Variants in METTL16 observed in about 807,000 individuals in gnomAD.
METTL16 encodes the protein methyltransferase 16, RNA N6-adenosine.
A neutral mutation model predicts 57.9 loss-of-function variants in METTL16; 19 were observed. The observed-to-expected ratio is 0.33, with a 90% confidence interval of 0.23 to 0.48. The LOEUF (loss-of-function observed/expected upper bound fraction) is 0.48. METTL16 is among the 20% of genes least tolerant of loss of function. METTL16 has a pLI of 0.99. For missense variants in METTL16, 434 were observed against 691.5 expected, an observed-to-expected ratio of 0.63 and a Z score of 4.18; for synonymous variants, 246 against 255.6, an observed-to-expected ratio of 0.96 and a Z score of 0.36.
chr17:2,426,752 A>AG (rs2066822721), intron 8 of METTL16, among the ~76,000 whole-genome samples: 3 of 149,762 alleles, frequency 2.0e-5, no homozygotes, highest in African/African-American at 7.4e-5. Flanking sequence ...AAAAAAAAAA[A>AG]GTAAAAATAG....
At chr17:2,464,399 C>A (rs2067174988) in intron 5 of METTL16, 49 bp from the exon 6 acceptor site, 2 of 1,517,500 alleles carry the variant, frequency 1.3e-6, no homozygotes, top group African/African-American at 1.4e-5. Context: ...ACCCCAAGAA[C>A]CAAGTTTGAA....
chr17:2,502,531 G>A (rs2067496873), intron 1 of METTL16, among the ~76,000 whole-genome samples, 200 bp from the exon 2 acceptor site: 1 of 151,856 alleles, frequency 6.6e-6, no homozygotes, highest in Non-Finnish European at 1.5e-5. Context: ...AATACAAAAA[G>A]TAGCCAAGTA....
chr17:2,430,021 C>T (rs1402992360), intron 8 of METTL16, among the ~76,000 whole-genome samples: 3 of 151,486 alleles, frequency 2.0e-5, no homozygotes, highest in African/African-American at 7.3e-5. Flanking sequence ...ACCATGTTGG[C>T]CAGGCTAGTC....
At chr17:2,434,849 G>A (rs939289709) in intron 8 of METTL16, among the ~76,000 whole-genome samples, 3 of 152,164 alleles carry the variant, frequency 2.0e-5, no homozygotes, top group Admixed American at 6.5e-5. Context: ...TTCAATGCAG[G>A]GGATCCTTTT....
intron 8 of METTL16, among the ~76,000 whole-genome samples, chr17:2,437,023 A>G (rs148949018): frequency 3.4e-3 from 513 of 152,166 alleles, no homozygotes; most frequent in Non-Finnish European, 3.6e-3. Context: ...CTGGGACTAC[A>G]GGCATGCGCC....
intron 1 of METTL16, among the ~76,000 whole-genome samples, chr17:2,505,169 T>C (rs934573687): frequency 6.6e-5 from 10 of 151,890 alleles, no homozygotes; most frequent in Admixed American, 5.9e-4. Flanking sequence ...TATATATATA[T>C]ATATCTCTCT....
At chr17:2,442,234 T>C (rs1252123415) in intron 6 of METTL16, among the ~76,000 whole-genome samples, 1 of 152,168 alleles carries the variant, frequency 6.6e-6, no homozygotes, top group African/African-American at 2.4e-5. Flanking sequence ...GGACAAAACA[T>C]ATAAAATAGC....
At chr17:2,448,805 A>AAAAAAAAAAAAAAAAAAAAAATAAAAT (rs2067044723) in intron 6 of METTL16, among the ~76,000 whole-genome samples, 1 of 104,560 alleles carries the variant, frequency 9.6e-6, no homozygotes. Flanking sequence ...TAAAATTTAA[A>AAAAAAAAAAAAAAAAAAAAAATAAAAT]AAAAAAAAAA....
chr17:2,443,320 AT>A (rs1273776296), intron 6 of METTL16, among the ~76,000 whole-genome samples: 3 of 152,176 alleles, frequency 2.0e-5, no homozygotes, highest in Non-Finnish European at 2.9e-5. Flanking sequence ...AAGAAACTGA[AT>A]TTGTATTAAC....
chr17:2,424,872 C>T (rs989441556), intron 8 of METTL16, among the ~76,000 whole-genome samples: 1 of 151,868 alleles, frequency 6.6e-6, no homozygotes, highest in African/African-American at 2.4e-5. Flanking sequence ...GGCGTGAACC[C>T]GGGAGGCGGA....
At chr17:2,422,917 A>G (rs547090959) in intron 8 of METTL16, among the ~76,000 whole-genome samples, 2 of 152,248 alleles carry the variant, frequency 1.3e-5, no homozygotes, top group South Asian at 4.1e-4. Context: ...CAGGAGGTGC[A>G]GGTTGCAGTG....
intron 2 of METTL16, among the ~76,000 whole-genome samples, chr17:2,500,366 TCTCAGGTTCAAGTGATTCTC>T (rs2067478578): frequency 6.6e-6 from 1 of 152,066 alleles, no homozygotes; most frequent in Non-Finnish European, 1.5e-5. Flanking sequence ...AACCTCCACC[TCTCAGGTTCAAGTGATTCTC>T]CTGCCTCACT....
intron 5 of METTL16, among the ~76,000 whole-genome samples, chr17:2,465,089 T>G (rs2067181962): frequency 6.6e-6 from 1 of 152,056 alleles, no homozygotes; most frequent in African/African-American, 2.4e-5. Flanking sequence ...CAAACCAACT[T>G]AAACGTGAGC....
In METTL16 at chr17:2,441,480, G is replaced by A. The variant is rs1376537692; in HGVS notation, c.798+10C>T. On this transcript the variant is annotated intron_variant, in intron 7 of 9. Coordinates refer to ENST00000263092, the MANE Select transcript of METTL16 (RefSeq NM_024086.4). ...GTAGCTACACGAGAACAGTAATGAGGAAGCCTCACCCCTTGTATGCGAAGC... is the reference window on the plus strand; with the variant it reads ...GTAGCTACACGAGAACAGTAATGAGAAAGCCTCACCCCTTGTATGCGAAGC... 1.3e-6 allele frequency: 2 copies of A among 1,575,460 alleles called. No homozygotes were observed. The highest frequency in any genetic ancestry group is 1.7e-6 in the Non-Finnish European group (2 of 1,159,664).
At position 2,433,853 on chromosome 17, in the gene METTL16, ACTC is replaced by A. The variant is rs1227199225; in HGVS notation, c.888+4253_888+4255del. Among the ~76,000 whole-genome samples, 7 of 151,684 alleles carry A rather than the reference ACTC, an allele frequency of 4.6e-5. No individual in the cohort carries two copies. The East Asian group carries it at 1.4e-3, about 29-fold the overall frequency. On this transcript the variant is annotated intron_variant, in intron 8 of 9. Coordinates refer to ENST00000263092, the MANE Select transcript of METTL16 (RefSeq NM_024086.4). ...CCGACCTACGAGTCAGACGCTGGCG[ACTC>A]CTCCTCCATAAAGCGGTCTTTGACT...
At chr17:2,455,926 T>G (rs2067107118) in intron 6 of METTL16, among the ~76,000 whole-genome samples, 1 of 152,110 alleles carries the variant, frequency 6.6e-6, no homozygotes, top group Admixed American at 6.6e-5. Context: ...AAGGCTGCAG[T>G]GAGCCGTGAT....
chr17:2,431,839 T>TAGAAATAACAACGGAGCAAG (rs1165193579), intron 8 of METTL16, among the ~76,000 whole-genome samples: 1 of 152,190 alleles, frequency 6.6e-6, no homozygotes, highest in African/African-American at 2.4e-5. Context: ...CCATAATTTG[T>TAGAAATAACAACGGAGCAAG]AGAAATAACA....
chr17:2,432,298 T>C (rs968595808), intron 8 of METTL16, among the ~76,000 whole-genome samples: 33 of 152,108 alleles, frequency 2.2e-4, no homozygotes, highest in African/African-American at 8.0e-4. Context: ...CTGGGTGCAA[T>C]GGCTTATGCC....
rs2067241264 is a variant in METTL16 at position 2,472,402 on chromosome 17, A to T, written c.469+1122T>A. ...TTAGTGGTTTCTTACAAAATTAAACATACTATTACCATACCATCCAGCAAG... is the reference window on the plus strand; with the variant it reads ...TTAGTGGTTTCTTACAAAATTAAACTTACTATTACCATACCATCCAGCAAG... On this transcript the variant is annotated intron_variant, in intron 4 of 9. Transcript: ENST00000263092. 2.0e-5 allele frequency among the ~76,000 whole-genome samples: 3 copies of T among 152,276 alleles called. No homozygotes were observed. The South Asian group carries it at 6.2e-4, about 32-fold the overall frequency.
Sources: allele counts gnomAD v4.1 joint callset (sites outside exome capture counted in the v4.1 genomes callset), GRCh38; gene constraint gnomAD v4.1.1; transcripts MANE v1.5; gene names NCBI Gene and HGNC (gene_info 2026-07-23, HGNC 2026-07-21).